The following CAMKMT variants were observed in gnomAD, a reference collection of about 807,000 sequenced individuals.
The protein encoded by CAMKMT is calmodulin-lysine N-methyltransferase.
In CAMKMT, 53 loss-of-function variants were observed where a neutral mutation model predicts 48.0. The observed-to-expected ratio is 1.10, with a 90% CI of 0.89 to 1.39. CAMKMT has a LOEUF of 1.39. Among genes scored for constraint, CAMKMT ranks in the 40% most tolerant of loss-of-function variants. The pLI, the probability that CAMKMT is intolerant of heterozygous loss-of-function variation, is 0.00. For missense variants in CAMKMT, 428 were observed against 402.7 expected (o/e 1.06, Z -0.54); for synonymous variants, 165 against 152.3 (o/e 1.08, Z -0.61).
chr2:44,393,908 C>T (rs1216911577), intron 3 of CAMKMT, among the ~76,000 whole-genome samples: 1 of 152,156 alleles, frequency 6.6e-6, no homozygotes, highest in Non-Finnish European at 1.5e-5. Context: ...AAAGTTATTT[C>T]GTTCCACTAC....
intron 3 of CAMKMT, among the ~76,000 whole-genome samples, chr2:44,680,558 G>T (rs1407071340): frequency 6.6e-6 from 1 of 152,212 alleles, no homozygotes; most frequent in Non-Finnish European, 1.5e-5. Context: ...TTCGTCACAT[G>T]TGAGGAAAAT....
At chr2:44,643,311 T>C (rs1052555759) in intron 3 of CAMKMT, among the ~76,000 whole-genome samples, 1 of 152,172 alleles carries the variant, frequency 6.6e-6, no homozygotes, top group Non-Finnish European at 1.5e-5. Flanking sequence ...AATTAATTTA[T>C]TGAAACATTA....
chr2:44,512,173 G>C (rs1670597415), intron 3 of CAMKMT, among the ~76,000 whole-genome samples: 1 of 152,158 alleles, frequency 6.6e-6, no homozygotes. Context: ...AATATTAGCT[G>C]ATGCTTGACC....
At chr2:44,625,430 G>A (rs114261760) in intron 3 of CAMKMT, among the ~76,000 whole-genome samples, 1,867 of 152,142 alleles carry the variant, frequency 0.012, 47 homozygotes, top group African/African-American at 0.043. Flanking sequence ...GTTGTTAAAT[G>A]TAAGTATTGC....
At chr2:44,770,873 G>A (rs1177004931) in intron 10 of CAMKMT, among the ~76,000 whole-genome samples, 1 of 152,222 alleles carries the variant, frequency 6.6e-6, no homozygotes, top group Non-Finnish European at 1.5e-5. Context: ...TAAGAAAACA[G>A]AATGAAGTCA....
At chr2:44,407,246 C>G (rs1682846255) in intron 3 of CAMKMT, among the ~76,000 whole-genome samples, 1 of 152,128 alleles carries the variant, frequency 6.6e-6, no homozygotes, top group Non-Finnish European at 1.5e-5. Context: ...CAGCTTTCAG[C>G]AGACTTTGCA....
intron 3 of CAMKMT, among the ~76,000 whole-genome samples, chr2:44,681,997 G>A (rs370616652): frequency 3.9e-5 from 6 of 152,172 alleles, no homozygotes; most frequent in South Asian, 2.1e-4. Flanking sequence ...CCTCGGTCTC[G>A]ATAAGTCTGC....
chr2:44,366,255 G>T (rs190598488), intron 1 of CAMKMT, among the ~76,000 whole-genome samples: 1 of 152,334 alleles, frequency 6.6e-6, no homozygotes, highest in Admixed American at 6.5e-5. Context: ...AAAAAGGTTT[G>T]TGAAGAAGCA....
intron 3 of CAMKMT, among the ~76,000 whole-genome samples, chr2:44,480,346 T>C (rs111699305): frequency 0.018 from 2,733 of 152,212 alleles, 94 homozygotes; most frequent in African/African-American, 0.063. Flanking sequence ...ATAAACTCCA[T>C]ATTAGGTATA....
rs536644466 is a variant in CAMKMT at position 44,398,791 on chromosome 2, T to C, written c.376+8486T>C. ...TTGTGGATAGCCTTTCCACAGAGAA[T>C]TGTTATATTTGACATTTATATGAAC... On this transcript the variant is annotated intron_variant, in intron 3 of 10. Transcript: ENST00000378494. 2.0e-5 allele frequency among the ~76,000 whole-genome samples: 3 copies of C among 152,290 alleles called. No individual in the cohort carries two copies. In the East Asian group the frequency reaches 5.8e-4, roughly 29 times the overall value.
chr2:44,468,697 T>C (rs985371997), intron 3 of CAMKMT, among the ~76,000 whole-genome samples: 2 of 152,100 alleles, frequency 1.3e-5, no homozygotes, highest in Non-Finnish European at 2.9e-5. Flanking sequence ...GGAGAGAGGA[T>C]TGTTTGAACC....
At chr2:44,542,967 C>G (rs557720004) in intron 3 of CAMKMT, among the ~76,000 whole-genome samples, 11 of 152,228 alleles carry the variant, frequency 7.2e-5, no homozygotes, top group East Asian at 1.9e-4. Context: ...TATTATTAAG[C>G]TTTTAACAGT....
chr2:44,656,315 T>G (rs1198190832), intron 3 of CAMKMT, among the ~76,000 whole-genome samples: 1 of 152,194 alleles, frequency 6.6e-6, no homozygotes, highest in Non-Finnish European at 1.5e-5. Flanking sequence ...GACAGTACAT[T>G]TAAATCCTGT....
At chr2:44,727,432 A>G (rs1286929927) in intron 7 of CAMKMT, among the ~76,000 whole-genome samples, 1 of 152,218 alleles carries the variant, frequency 6.6e-6, no homozygotes, top group Non-Finnish European at 1.5e-5. Context: ...GACATTGTGT[A>G]AAGAAATGCT....
intron 9 of CAMKMT, among the ~76,000 whole-genome samples, chr2:44,764,535 G>A (rs1680755320): frequency 6.6e-6 from 1 of 152,146 alleles, no homozygotes; most frequent in Non-Finnish European, 1.5e-5. Flanking sequence ...CGACAAAATG[G>A]AGAGATTGGA....
intron 3 of CAMKMT, among the ~76,000 whole-genome samples, chr2:44,574,781 G>C (rs1208593719): frequency 2.6e-5 from 4 of 152,074 alleles, no homozygotes; most frequent in African/African-American, 9.6e-5. Context: ...AGCTCTGTCT[G>C]CCAGGCTAGA....
rs534457209 is a variant in CAMKMT at position 44,692,461 on chromosome 2, T to C, written c.377-11822T>C. Among the ~76,000 whole-genome samples the C allele has an allele frequency of 2.0e-5, 3 of 152,206 alleles. No homozygotes were observed. In the South Asian group the frequency reaches 6.2e-4, roughly 32 times the overall value. Reference sequence around the variant, plus strand: ...TTATTCTCTATTTCGTTAACATGTTTTATTTCCTTCACAGCACTATTCACT... The same window carrying C: ...TTATTCTCTATTTCGTTAACATGTTCTATTTCCTTCACAGCACTATTCACT... On this transcript the variant is annotated intron_variant, in intron 3 of 10. Transcript: ENST00000378494.
chr2:44,382,087 G>A (rs1043344213), intron 2 of CAMKMT, among the ~76,000 whole-genome samples: 4 of 151,478 alleles, frequency 2.6e-5, no homozygotes, highest in African/African-American at 9.7e-5. Flanking sequence ...GATTACAGAC[G>A]CCTGCCACTA....
At chr2:44,389,258 G>A (rs1681083237) in intron 2 of CAMKMT, among the ~76,000 whole-genome samples, 1 of 151,996 alleles carries the variant, frequency 6.6e-6, no homozygotes, top group South Asian at 2.1e-4. Context: ...TTGCATTAGG[G>A]CCCACCCTAA....
Sources: allele counts gnomAD v4.1 joint callset (sites outside exome capture counted in the v4.1 genomes callset), GRCh38; gene constraint gnomAD v4.1.1; transcripts MANE v1.5; gene names NCBI Gene and HGNC (gene_info 2026-07-23, HGNC 2026-07-21).